PPP2R5D: variants seen among roughly 807,000 people sequenced by gnomAD.
The protein encoded by PPP2R5D is serine/threonine-protein phosphatase 2A 56 kDa regulatory subunit delta isoform.
PPP2R5D carries 12 observed loss-of-function variants against 79.1 expected under a neutral mutation model. The observed-to-expected ratio is 0.15, with a 90% CI of 0.10 to 0.25. PPP2R5D has a LOEUF of 0.25. Ranked by LOEUF, PPP2R5D falls within the 10% of genes least tolerant of loss-of-function variation. PPP2R5D has a pLI of 1.00. For synonymous variants in PPP2R5D, 277 were observed against 286.6 expected (o/e 0.97, Z 0.34); for missense variants, 419 against 760.2 (o/e 0.55, Z 5.28).
At chr6:42,993,890 G>C (rs972266030) in intron 2 of PPP2R5D, among the ~76,000 whole-genome samples, 8 of 152,186 alleles carry the variant, frequency 5.3e-5, no homozygotes, top group African/African-American at 1.4e-4. Context: ...ACTGGATACT[G>C]TGCAACACTA....
At chr6:42,985,120 A>C (rs915313366) in intron 1 of PPP2R5D, among the ~76,000 whole-genome samples, 1 of 149,206 alleles carries the variant, frequency 6.7e-6, no homozygotes, top group Non-Finnish European at 1.5e-5. Context: ...CCCCGCCCTG[A>C]GCAGCCCCTT....
intron 2 of PPP2R5D, among the ~76,000 whole-genome samples, chr6:42,991,109 C>T (rs1771234979): frequency 6.6e-6 from 1 of 152,148 alleles, no homozygotes; most frequent in Non-Finnish European, 1.5e-5. Context: ...CTGTGAACTC[C>T]AAGGGAAGGA....
chr6:42,999,680 C>G (rs959053008), intron 2 of PPP2R5D, among the ~76,000 whole-genome samples: 5 of 152,050 alleles, frequency 3.3e-5, no homozygotes, highest in African/African-American at 1.2e-4. Flanking sequence ...ATTCTCCCAC[C>G]TCAGCCTCCT....
At chr6:42,997,441 C>T (rs1057385668) in intron 2 of PPP2R5D, among the ~76,000 whole-genome samples, 1 of 152,112 alleles carries the variant, frequency 6.6e-6, no homozygotes. Flanking sequence ...ATCTGCCCAC[C>T]TCAGCCTCCC....
At chr6:43,005,255 A>G (rs1415723221) in intron 2 of PPP2R5D, among the ~76,000 whole-genome samples, 1 of 151,258 alleles carries the variant, frequency 6.6e-6, no homozygotes, top group Non-Finnish European at 1.5e-5. Context: ...AGACATGGGA[A>G]TGAATTTCTT....
chr6:43,006,369 C>A lies in PPP2R5D; in HGVS notation c.106-94C>A. 5.3e-6 allele frequency: 8 copies of A among 1,515,758 alleles called. No homozygotes were observed. The highest frequency in any genetic ancestry group is 7.1e-6 in the Non-Finnish European group (8 of 1,131,030). 93.9% of individuals were successfully genotyped at this position (1,515,758 alleles called of 1,614,324 possible). On this transcript the variant is annotated intron_variant, in intron 2 of 15. Coordinates refer to ENST00000485511, the MANE Select transcript of PPP2R5D (RefSeq NM_006245.4). The surrounding 1 kb of genome is among the most constrained non-coding windows in gnomAD (Gnocchi z 4.7). ...AGGAGACAGCTGCTCACTGCCCAGG[C>A]CTGTGCAGGCATAAACAGACTTGGG...
At chr6:42,990,704 T>TTTG (rs1771199042) in intron 2 of PPP2R5D, among the ~76,000 whole-genome samples, 1 of 129,486 alleles carries the variant, frequency 7.7e-6, no homozygotes, top group African/African-American at 3.0e-5. Flanking sequence ...TTCTACTTTT[T>TTTG]TTTTTTTTTT....
chr6:42,992,978 T>C (rs1379360678), intron 2 of PPP2R5D, among the ~76,000 whole-genome samples: 1 of 151,242 alleles, frequency 6.6e-6, no homozygotes, highest in Non-Finnish European at 1.5e-5. Context: ...GTGGCCAACA[T>C]GGTAAAACAC....
chr6:43,010,448 ATCTT>A lies in PPP2R5D; in HGVS notation c.1380-15_1380-12del. The A allele has an allele frequency of 4.3e-6, 7 of 1,610,518 alleles. No individual in the cohort carries two copies. Among genetic ancestry groups the A allele is most frequent in the Middle Eastern group, 1.7e-4 (1 of 6,054 alleles). On this transcript the variant is annotated splice_polypyrimidine_tract_variant and intron_variant, in intron 12 of 15. Transcript: ENST00000485511. This position sits in a 1 kb window ranked among gnomAD's most constrained non-coding sequence, Gnocchi z 4.7. ...GGCAGGCTCTGGCCTCCTACACCTCATCTTTCTTCTTGGTGGCAGGACAATCCAT... is the reference window on the plus strand; with the variant it reads ...GGCAGGCTCTGGCCTCCTACACCTCATCTTCTTGGTGGCAGGACAATCCAT...
At position 43,007,143 on chromosome 6, in the gene PPP2R5D, G is replaced by A. The variant is rs773437682; in HGVS notation, c.522+33G>A. ...CAGGGAAAGGACACAGGGGGGACTG[G>A]TGAGGGGCTCTGGAGAAGCCCAGGT... On this transcript the variant is annotated intron_variant, in intron 4 of 15. Transcript: ENST00000485511. The surrounding 1 kb of genome is among the most constrained non-coding windows in gnomAD (Gnocchi z 4.5). 5 of 1,614,022 alleles carry A rather than the reference G, an allele frequency of 3.1e-6. No individual in the cohort carries two copies. Among genetic ancestry groups the A allele is most frequent in the Non-Finnish European group, 4.2e-6 (5 of 1,180,000 alleles).
rs1378936833 is a variant in PPP2R5D, at chr6:43,008,798, G to C, written c.1080+52G>C. 1 of 1,573,152 alleles carries C rather than the reference G, an allele frequency of 6.4e-7. No homozygotes were observed. Among genetic ancestry groups the C allele is most frequent in the African/African-American group, 1.4e-5 (1 of 74,010 alleles). On this transcript the variant is annotated intron_variant, in intron 10 of 15. Transcript: ENST00000485511. This position sits in a 1 kb window ranked among gnomAD's most constrained non-coding sequence, Gnocchi z 4.2. ...CCACCTCTTACTGTCAGCATCACTT[G>C]CCAGTCTGTACCTACTGGGGGTGCC...
chr6:43,012,093 C>A lies in PPP2R5D; in HGVS notation c.*807C>A. 1 of 593,712 alleles carries A rather than the reference C, an allele frequency of 1.7e-6. No individual in the cohort carries two copies. The highest frequency in any genetic ancestry group is 2.1e-6 in the Non-Finnish European group (1 of 468,832). The allele number at this position is 593,712 out of a possible 1,614,324, so 36.8% of individuals were successfully genotyped here. A position where few individuals can be genotyped will look rare whatever the true frequency, so the allele number is the denominator to read the frequency against. On this transcript the variant is annotated 3_prime_UTR_variant, in exon 16 of 16. Coordinates refer to ENST00000485511, the MANE Select transcript of PPP2R5D (RefSeq NM_006245.4). ...GCAGGGAGCGGTGCCCCAAGCATGG[C>A]TCCTGCCAACACCTATTTATTTCCT... is the stretch of plus-strand genomic sequence containing the variant.
chr6:42,985,683 CTCACTG>C (rs1424810544), intron 1 of PPP2R5D, among the ~76,000 whole-genome samples: 8 of 151,766 alleles, frequency 5.3e-5, no homozygotes, highest in Admixed American at 3.3e-4. Context: ...GGAATTTGTC[CTCACTG>C]TCAGATTATT....
At chr6:42,998,833 G>C (rs540361679) in intron 2 of PPP2R5D, among the ~76,000 whole-genome samples, 1 of 152,190 alleles carries the variant, frequency 6.6e-6, no homozygotes, top group Admixed American at 6.5e-5. Flanking sequence ...TCAGGAGTTC[G>C]AGACCAGCCT....
intron 2 of PPP2R5D, among the ~76,000 whole-genome samples, chr6:43,000,426 A>G (rs903681339): frequency 1.3e-5 from 2 of 151,234 alleles, no homozygotes; most frequent in African/African-American, 4.9e-5. Context: ...CATTTTTAGT[A>G]GACTCAGGGT....
Position 43,011,198 on chromosome 6 carries a change from A to C in PPP2R5D, c.1721A>C (p.Glu574Ala). 1 of 1,614,150 alleles carries C rather than the reference A, an allele frequency of 6.2e-7. No individual in the cohort carries two copies. The highest frequency in any genetic ancestry group is 8.5e-7 in the Non-Finnish European group (1 of 1,180,024). The change falls in exon 16 of 16, where the codon GAG (glutamate) becomes GCG (alanine). Residue 574 changes from glutamate (E) to alanine (A), a missense_variant. Physicochemically the swap from Glu to Ala is moderately radical, Grantham distance 107. Coordinates refer to ENST00000485511, the MANE Select transcript of PPP2R5D (RefSeq NM_006245.4). ...AAAGTGCTGCTGCGGAGGAAGTCGGAGCTGCCCCAGGACGTGTACACCATC... is the reference window on the plus strand; with the variant it reads ...AAAGTGCTGCTGCGGAGGAAGTCGGCGCTGCCCCAGGACGTGTACACCATC... ...KEKVLLRRKS[E>A]LPQDVYTIKA... is the part of the protein sequence containing the mutation.
At position 43,007,931 on chromosome 6, in the gene PPP2R5D, C is replaced by T. The variant is rs1358736550; in HGVS notation, c.727-4C>T. ...TGGCTGCTTTCCCTCCCTTGTACCC[C>T]CAGCTCCTAGACCTATTTGACAGTG... On this transcript the variant is annotated splice_region_variant and splice_polypyrimidine_tract_variant and intron_variant, in intron 6 of 15. Coordinates refer to ENST00000485511, the MANE Select transcript of PPP2R5D (RefSeq NM_006245.4). The surrounding 1 kb of genome is among the most constrained non-coding windows in gnomAD (Gnocchi z 4.5). The T allele has an allele frequency of 6.2e-7, 1 of 1,614,088 alleles. No individual in the cohort carries two copies. The highest frequency in any genetic ancestry group is 2.2e-5 in the East Asian group (1 of 44,884).
chr6:42,990,025 A>G (rs1236688856), intron 2 of PPP2R5D, among the ~76,000 whole-genome samples: 3 of 148,408 alleles, frequency 2.0e-5, no homozygotes, highest in Non-Finnish European at 3.0e-5. Flanking sequence ...CAGACACTTG[A>G]TGGGGTAACA....
At chr6:42,989,462 C>T (rs1342878164) in intron 1 of PPP2R5D, 149 bp from the exon 2 acceptor site, 5 of 666,734 alleles carry the variant, frequency 7.5e-6, no homozygotes, top group Non-Finnish European at 1.0e-5. Context: ...GCGTAGATCC[C>T]TCCACCCACC....
Sources: gnomAD v4.1 joint callset for allele counts (sites outside exome capture counted in the v4.1 genomes callset) on GRCh38, gnomAD v4.1.1 for gene constraint, Gnocchi (gnomAD v3.1) non-coding constraint, MANE v1.5 for transcripts, NCBI Gene and HGNC (gene_info 2026-07-23, HGNC 2026-07-21) for gene names.